ARAP2: variants seen among roughly 807,000 people sequenced by gnomAD.
ARAP2 encodes the protein ArfGAP with RhoGAP domain, ankyrin repeat and PH domain 2.
In ARAP2, 148 loss-of-function variants were observed where a neutral mutation model predicts 194.5. That is an observed-to-expected ratio of 0.76 (90% CI 0.67 to 0.87). The LOEUF (loss-of-function observed/expected upper bound fraction) is 0.87, where lower values mean the gene tolerates loss of function less well. Among genes scored for constraint, ARAP2 ranks in the 40% least tolerant of loss-of-function variants. ARAP2 has a pLI of 0.00. For missense variants in ARAP2, 2,128 were observed against 1,989.7 expected, an observed-to-expected ratio of 1.07 and a Z score of -1.32; for synonymous variants, 695 against 683.5, an observed-to-expected ratio of 1.02 and a Z score of -0.26.
chr4:36,146,962 A>G (rs1729767785), intron 19 of ARAP2, among the ~76,000 whole-genome samples: 1 of 152,092 alleles, frequency 6.6e-6, no homozygotes, highest in African/African-American at 2.4e-5. Context: ...TATAATTTAT[A>G]GTCATCATAT....
At chr4:36,074,935 G>A (rs1727899211) in intron 31 of ARAP2, among the ~76,000 whole-genome samples, 1 of 152,200 alleles carries the variant, frequency 6.6e-6, no homozygotes, top group Middle Eastern at 3.4e-3. Context: ...TGATCTTACA[G>A]TGCAGATCCT....
At chr4:36,140,930 C>T (rs1728170213) in intron 19 of ARAP2, among the ~76,000 whole-genome samples, 1 of 151,548 alleles carries the variant, frequency 6.6e-6, no homozygotes, top group African/African-American at 2.4e-5. Flanking sequence ...TCTGATAACA[C>T]AGTTTACTTA....
In ARAP2 at chr4:36,216,639, CA is replaced by C. The variant is rs1371500773; in HGVS notation, c.906-2160del. ...TCACAGCAGATTTATTCTCAATAAT[CA>C]AAAACTTGAAAAAACCCAAATAGAC... On this transcript the variant is annotated intron_variant, in intron 2 of 32. Transcript: ENST00000303965. Among the ~76,000 whole-genome samples the C allele has an allele frequency of 5.3e-5, 8 of 151,718 alleles. No homozygotes were observed. In the South Asian group the frequency reaches 1.7e-3, roughly 32 times the overall value.
chr4:36,217,249 C>T (rs1169694230), intron 2 of ARAP2, among the ~76,000 whole-genome samples: 1 of 152,208 alleles, frequency 6.6e-6, no homozygotes, highest in Non-Finnish European at 1.5e-5. Context: ...TGGTGGCTCA[C>T]ACCTGTAATC....
intron 7 of ARAP2, among the ~76,000 whole-genome samples, chr4:36,188,467 G>A (rs1319226676): frequency 1.3e-5 from 2 of 152,116 alleles, no homozygotes; most frequent in Non-Finnish European, 2.9e-5. Flanking sequence ...AAACATGGTG[G>A]TATTTAAATC....
intron 9 of ARAP2, among the ~76,000 whole-genome samples, chr4:36,012,377 C>A (rs942873309): frequency 6.6e-6 from 1 of 152,166 alleles, no homozygotes; most frequent in Non-Finnish European, 1.5e-5. Context: ...AGCCACCTGT[C>A]TTCTTTGATA....
chr4:36,081,642 C>A (rs554759500), intron 30 of ARAP2, among the ~76,000 whole-genome samples: 1 of 151,812 alleles, frequency 6.6e-6, no homozygotes, highest in Admixed American at 6.6e-5. Context: ...GGAGAATGTA[C>A]GACAAAACAA....
At chr4:36,148,273 G>T in intron 17 of ARAP2, 132 bp downstream of exon 17, 1 of 620,158 alleles carries the variant, frequency 1.6e-6, no homozygotes, top group Non-Finnish European at 2.7e-6. Flanking sequence ...TACTTTTTTT[G>T]AAAATCTAAT....
chr4:36,150,636 A>G (rs1006569794), intron 16 of ARAP2, among the ~76,000 whole-genome samples: 1 of 151,808 alleles, frequency 6.6e-6, no homozygotes, highest in Non-Finnish European at 1.5e-5. Flanking sequence ...GCGAGACTCC[A>G]TCTCAAAAAA....
chr4:36,079,320 CTG>C (rs1414338098), intron 31 of ARAP2, among the ~76,000 whole-genome samples: 1 of 151,994 alleles, frequency 6.6e-6, no homozygotes, highest in African/African-American at 2.4e-5. Flanking sequence ...CTGAGAAGAG[CTG>C]TGTTTATTAA....
intron 20 of ARAP2, among the ~76,000 whole-genome samples, chr4:36,129,470 T>C (rs1724862093): frequency 6.6e-6 from 1 of 151,938 alleles, no homozygotes; most frequent in African/African-American, 2.4e-5. Context: ...TCATCAATAA[T>C]ATTAACAATG....
intron 30 of ARAP2, 140 bp from the exon 31 acceptor site, chr4:36,080,419 T>C (rs1337927178): frequency 4.6e-6 from 3 of 653,112 alleles, no homozygotes; most frequent in African/African-American, 3.7e-5. Context: ...AAGTGGAACA[T>C]TTCAGTACAA....
intron 8 of ARAP2, among the ~76,000 whole-genome samples, chr4:36,181,815 A>G (rs1192441706): frequency 6.6e-6 from 1 of 152,230 alleles, no homozygotes; most frequent in Non-Finnish European, 1.5e-5. Context: ...GAAGGCCATA[A>G]AAACTTAAAT....
chr4:36,033,550 C>T (rs1334807927), intron 5 of ARAP2, among the ~76,000 whole-genome samples: 1 of 147,542 alleles, frequency 6.8e-6, no homozygotes, highest in Non-Finnish European at 1.5e-5. Flanking sequence ...TATATTAGAC[C>T]TTTATCAGAT....
intron 26 of ARAP2, among the ~76,000 whole-genome samples, chr4:36,109,747 TACATGGGCAC>T (rs1719362707): frequency 6.6e-6 from 1 of 151,920 alleles, no homozygotes; most frequent in Admixed American, 6.6e-5. Flanking sequence ...AGTTCTAGGG[TACATGGGCAC>T]AAAGTACAGG....
chr4:36,234,204 A>T (rs1320857466), intron 1 of ARAP2, among the ~76,000 whole-genome samples: 1 of 152,240 alleles, frequency 6.6e-6, no homozygotes, highest in Non-Finnish European at 1.5e-5. Flanking sequence ...TTGGGTAATT[A>T]ATAAACAACA....
downstream of ARAP2, among the ~76,000 whole-genome samples, chr4:36,061,680 A>C (rs1209725500): frequency 2.6e-5 from 4 of 152,164 alleles, no homozygotes; most frequent in East Asian, 7.7e-4. Context: ...GTATATATAC[A>C]GCAGTGGGAT....
intron 5 of ARAP2, among the ~76,000 whole-genome samples, chr4:36,035,433 T>C (rs1577610008): frequency 1.3e-5 from 2 of 152,312 alleles, no homozygotes; most frequent in Middle Eastern, 3.4e-3. Flanking sequence ...TGGTTAATTG[T>C]ATATCTTCTG....
chr4:36,148,631 T>TTA (rs1730218427), intron 16 of ARAP2, 124 bp from the exon 17 acceptor site: 1 of 699,334 alleles, frequency 1.4e-6, no homozygotes, highest in Non-Finnish European at 2.4e-6. Context: ...GAAATCATCC[T>TTA]ATTAGATTCT....
Sources: allele counts gnomAD v4.1 joint callset (sites outside exome capture counted in the v4.1 genomes callset), GRCh38; gene constraint gnomAD v4.1.1; transcripts MANE v1.5; gene names NCBI Gene and HGNC (gene_info 2026-07-23, HGNC 2026-07-21).